The following ZHX3 variants were observed in gnomAD, a reference collection of about 807,000 sequenced individuals.
The protein encoded by ZHX3 is zinc fingers and homeoboxes 3.
A neutral mutation model predicts 64.5 loss-of-function variants in ZHX3; 20 were observed. The ratio of observed to expected loss-of-function variants is 0.31; its 90% CI spans 0.22 to 0.45. The LOEUF is 0.45. ZHX3 is among the 20% of genes least tolerant of loss of function. ZHX3 has a pLI of 1.00. For synonymous variants in ZHX3, 423 were observed against 461.6 expected, an observed-to-expected ratio of 0.92 and a Z score of 1.07; for missense variants, 1,041 against 1,195.8, an observed-to-expected ratio of 0.87 and a Z score of 1.91.
intron 1 of ZHX3, among the ~76,000 whole-genome samples, chr20:41,273,854 G>A (rs574758472): frequency 1.3e-5 from 2 of 152,172 alleles, no homozygotes; most frequent in South Asian, 2.1e-4. Context: ...TGAATTTTAG[G>A]ATCAGCTTTC....
intron 2 of ZHX3, among the ~76,000 whole-genome samples, chr20:41,214,743 A>G (rs2039401711): frequency 1.3e-5 from 2 of 152,218 alleles, no homozygotes; most frequent in Non-Finnish European, 2.9e-5. Flanking sequence ...CTAGAAAATC[A>G]TTCATCCAAA....
intron 1 of ZHX3, among the ~76,000 whole-genome samples, chr20:41,316,061 C>A (rs2045280589): frequency 6.6e-6 from 1 of 150,692 alleles, no homozygotes; most frequent in South Asian, 2.1e-4. Flanking sequence ...ACATGGGGAA[C>A]ATTTTTTTCC....
At chr20:41,270,801 G>A (rs2043107737) in intron 1 of ZHX3, among the ~76,000 whole-genome samples, 2 of 152,248 alleles carry the variant, frequency 1.3e-5, no homozygotes, top group African/African-American at 4.8e-5. Context: ...TTCTGTCCTG[G>A]TATGCCTAAA....
chr20:41,271,009 C>G (rs927431920), intron 1 of ZHX3, among the ~76,000 whole-genome samples: 6 of 152,170 alleles, frequency 3.9e-5, no homozygotes. Flanking sequence ...AGACCACAGT[C>G]TCTACAAAAG....
At chr20:41,315,414 C>A (rs1261102960) in intron 1 of ZHX3, among the ~76,000 whole-genome samples, 1 of 135,536 alleles carries the variant, frequency 7.4e-6, no homozygotes, top group Non-Finnish European at 1.5e-5. Context: ...GGGCTGGTCT[C>A]GAACTCCTGA....
rs2036403506 is a variant in ZHX3 at position 41,185,062 on chromosome 20, G to A, written c.*129C>T. 1 of 1,553,412 alleles carries A rather than the reference G, an allele frequency of 6.4e-7. No individual in the cohort carries two copies. The highest frequency in any genetic ancestry group is 1.2e-5 in the South Asian group (1 of 84,362). ...GCTCTGGGCTGTCTGCGAGGATTCTGGAAGCTCTCCCAGGTGCCCAGCAGC... is the reference window on the plus strand; with the variant it reads ...GCTCTGGGCTGTCTGCGAGGATTCTAGAAGCTCTCCCAGGTGCCCAGCAGC... On this transcript the variant is annotated 3_prime_UTR_variant, in exon 4 of 4. Coordinates refer to ENST00000683867, the MANE Select transcript of ZHX3 (RefSeq NM_001384317.1). This position sits in a 1 kb window ranked among gnomAD's most constrained non-coding sequence, Gnocchi z 5.0.
At chr20:41,238,119 CATT>C (rs1432565814) in intron 2 of ZHX3, among the ~76,000 whole-genome samples, 1 of 152,206 alleles carries the variant, frequency 6.6e-6, no homozygotes, top group Non-Finnish European at 1.5e-5. Flanking sequence ...CGGGGTCAAT[CATT>C]ATAAGCATTC....
chr20:41,240,884 T>C (rs1172303868), intron 2 of ZHX3, among the ~76,000 whole-genome samples: 1 of 152,256 alleles, frequency 6.6e-6, no homozygotes, highest in African/African-American at 2.4e-5. Context: ...ATTGTGTATA[T>C]GTACTACAGT....
chr20:41,249,473 C>T (rs1293337683), intron 2 of ZHX3, among the ~76,000 whole-genome samples: 3 of 152,092 alleles, frequency 2.0e-5, no homozygotes, highest in East Asian at 1.9e-4. Flanking sequence ...AAAGCAGACA[C>T]GAAGAACTGA....
intron 2 of ZHX3, among the ~76,000 whole-genome samples, chr20:41,237,557 G>A (rs939562536): frequency 2.6e-5 from 4 of 152,132 alleles, no homozygotes; most frequent in African/African-American, 7.2e-5. Flanking sequence ...GGTGGGAATT[G>A]AACAATGAGA....
chr20:41,266,828 A>G (rs1471892278), intron 2 of ZHX3, among the ~76,000 whole-genome samples: 4 of 127,844 alleles, frequency 3.1e-5, no homozygotes, highest in Admixed American at 9.0e-5. Context: ...TACAGGCGTG[A>G]GCCACCGTGC....
At chr20:41,261,388 C>T (rs928576558) in intron 2 of ZHX3, among the ~76,000 whole-genome samples, 2 of 152,176 alleles carry the variant, frequency 1.3e-5, no homozygotes, top group Non-Finnish European at 2.9e-5. Context: ...GTGGCCTCAT[C>T]ATTCATCTAC....
At chr20:41,308,493 C>A (rs568264894) in intron 1 of ZHX3, among the ~76,000 whole-genome samples, 1 of 152,306 alleles carries the variant, frequency 6.6e-6, no homozygotes, top group South Asian at 2.1e-4. Context: ...CCATAGCAAC[C>A]ACTTCAACAG....
At chr20:41,186,667 G>T (rs530198585) in intron 3 of ZHX3, among the ~76,000 whole-genome samples, 2 of 149,712 alleles carry the variant, frequency 1.3e-5, no homozygotes, top group African/African-American at 5.0e-5. Flanking sequence ...TTCTCTGGGT[G>T]TGTGTTTGTA....
chr20:41,302,083 GGAACAGGC>G (rs2044840076), intron 1 of ZHX3, among the ~76,000 whole-genome samples: 1 of 112,946 alleles, frequency 8.9e-6, no homozygotes, highest in Admixed American at 9.4e-5. Flanking sequence ...AAAAAAAAAA[GGAACAGGC>G]CACCGCAAGT....
chr20:41,207,368 C>T (rs1190859484), intron 2 of ZHX3, among the ~76,000 whole-genome samples: 1 of 152,136 alleles, frequency 6.6e-6, no homozygotes, highest in African/African-American at 2.4e-5. Context: ...CAGAACTCTC[C>T]ACCCCAAATG....
chr20:41,302,317 A>C (rs2044847334), intron 1 of ZHX3, among the ~76,000 whole-genome samples: 2 of 152,182 alleles, frequency 1.3e-5, no homozygotes, highest in Non-Finnish European at 2.9e-5. Context: ...AAAGATAAAC[A>C]GTGTCTCCCT....
chr20:41,236,780 T>C (rs2041026469), intron 2 of ZHX3, among the ~76,000 whole-genome samples: 1 of 151,908 alleles, frequency 6.6e-6, no homozygotes, highest in Admixed American at 6.6e-5. Flanking sequence ...TGGGATCTAA[T>C]TGAAGAGCTT....
At chr20:41,220,216 G>T (rs2039840234) in intron 2 of ZHX3, among the ~76,000 whole-genome samples, 1 of 152,230 alleles carries the variant, frequency 6.6e-6, no homozygotes, top group Non-Finnish European at 1.5e-5. Flanking sequence ...GGAACTTGGG[G>T]TAAGGCCTCA....
Sources: gnomAD v4.1 joint callset for allele counts (sites outside exome capture counted in the v4.1 genomes callset) on GRCh38, gnomAD v4.1.1 for gene constraint, Gnocchi (gnomAD v3.1) non-coding constraint, MANE v1.5 for transcripts, NCBI Gene and HGNC (gene_info 2026-07-23, HGNC 2026-07-21) for gene names.